PLA2G4C: variants seen among roughly 807,000 people sequenced by gnomAD.
PLA2G4C encodes phospholipase A2 group IVC, also known as cytosolic phospholipase A2 gamma.
In PLA2G4C, 64 loss-of-function variants were observed where a neutral mutation model predicts 73.8. The observed-to-expected ratio is 0.87, with a 90% CI of 0.71 to 1.07. The LOEUF is 1.07. PLA2G4C is among the 50% of genes least tolerant of loss of function. PLA2G4C has a pLI of 0.00. For synonymous variants in PLA2G4C, 254 were observed against 252.1 expected, an observed-to-expected ratio of 1.01 and a Z score of -0.07; for missense variants, 622 against 665.4, an observed-to-expected ratio of 0.93 and a Z score of 0.72.
chr19:48,068,507 A>G (rs1968534425), intron 12 of PLA2G4C, among the ~76,000 whole-genome samples: 2 of 151,674 alleles, frequency 1.3e-5, no homozygotes, highest in Admixed American at 1.3e-4. Context: ...AGAGAGCGAG[A>G]CCACATCTTT....
intron 10 of PLA2G4C, among the ~76,000 whole-genome samples, chr19:48,080,433 G>T (rs562829967): frequency 2.4e-4 from 36 of 152,276 alleles, no homozygotes; most frequent in African/African-American, 7.9e-4. Context: ...AGTCCTCAGA[G>T]AACTAAAAGT....
chr19:48,048,530 G>A lies in PLA2G4C; in HGVS notation c.1581-142C>T, dbSNP rs1600135458. On this transcript the variant is annotated intron_variant, in intron 16 of 16. Coordinates refer to ENST00000599921, the MANE Select transcript of PLA2G4C (RefSeq NM_003706.3). ...ATTCATCCATTCTTTCATTCATTGAGAAGACCTGGAGCTCCACCACCTCCT... is the reference window on the plus strand; with the variant it reads ...ATTCATCCATTCTTTCATTCATTGAAAAGACCTGGAGCTCCACCACCTCCT... The A allele has an allele frequency of 7.3e-6, 4 of 546,700 alleles. No individual in the cohort carries two copies. The East Asian group carries it at 1.4e-4, about 19-fold the overall frequency. 33.9% of individuals were successfully genotyped at this position (546,700 alleles called of 1,614,324 possible).
intron 9 of PLA2G4C, among the ~76,000 whole-genome samples, chr19:48,085,569 A>T (rs1016929662): frequency 6.6e-6 from 1 of 152,192 alleles, no homozygotes; most frequent in African/African-American, 2.4e-5. Flanking sequence ...GTTGGATTAG[A>T]GGCATTGCTG....
chr19:48,099,932 C>T (rs149641514), intron 4 of PLA2G4C, 72 bp from the exon 5 acceptor site: 125 of 1,036,758 alleles, frequency 1.2e-4, no homozygotes, highest in Middle Eastern at 3.0e-4. Context: ...AAGATGTGTG[C>T]AAGGAGGTCC....
chr19:48,049,762 G>A (rs931744456), intron 16 of PLA2G4C, among the ~76,000 whole-genome samples: 7 of 152,142 alleles, frequency 4.6e-5, no homozygotes, highest in Non-Finnish European at 1.0e-4. Flanking sequence ...GTGGGGAGTG[G>A]ACAGGCACAG....
At position 48,106,133 on chromosome 19, in the gene PLA2G4C, A is replaced by G. The variant is rs185134362; in HGVS notation, c.8+389T>C. ...GGGTCTTGCTCTGTTGCCCACCACC[A>G]GTGCGGTGGTGCAATCATAGCTTAC... On this transcript the variant is annotated intron_variant, in intron 2 of 16. Coordinates refer to ENST00000599921, the MANE Select transcript of PLA2G4C (RefSeq NM_003706.3). Among the ~76,000 whole-genome samples the G allele has an allele frequency of 1.8e-3, 274 of 150,134 alleles. 1 individual carries two copies. The highest frequency in any genetic ancestry group is 6.3e-3 in the African/African-American group (255 of 40,788).
intron 10 of PLA2G4C, among the ~76,000 whole-genome samples, chr19:48,079,597 C>CA (rs1444802197): frequency 2.6e-5 from 4 of 151,976 alleles, no homozygotes; most frequent in Non-Finnish European, 5.9e-5. Context: ...AAGATAACAT[C>CA]AAAAAAACTC....
rs191654002 is a variant in PLA2G4C, at chr19:48,079,469, A to G, written c.845-1645T>C. Among the ~76,000 whole-genome samples, 6 of 152,324 alleles carry G rather than the reference A, an allele frequency of 3.9e-5. No homozygotes were observed. The East Asian group carries it at 1.2e-3, about 29-fold the overall frequency. On this transcript the variant is annotated intron_variant, in intron 10 of 16. Coordinates refer to ENST00000599921, the MANE Select transcript of PLA2G4C (RefSeq NM_003706.3). ...GGTGCTGGGATAACTGGCAAGCCAC[A>G]TGTAGGAGAATGAAACTCGATCCTT...
At chr19:48,109,702 T>G (rs563178780) in intron 1 of PLA2G4C, among the ~76,000 whole-genome samples, 1 of 152,144 alleles carries the variant, frequency 6.6e-6, no homozygotes, top group East Asian at 1.9e-4. Flanking sequence ...TAGGCTGGAG[T>G]GCAGTGGCGC....
intron 14 of PLA2G4C, among the ~76,000 whole-genome samples, chr19:48,060,731 C>T (rs953213793): frequency 2.6e-5 from 4 of 152,074 alleles, no homozygotes; most frequent in Non-Finnish European, 4.4e-5. Flanking sequence ...AGCAGAAATC[C>T]TAAGACCAGA....
At chr19:48,062,940 C>T (rs8108662) in intron 13 of PLA2G4C, among the ~76,000 whole-genome samples, 129,684 of 152,142 alleles carry the variant, frequency 0.85, 55,466 homozygotes, top group African/African-American at 0.93. Context: ...TAGGAAGACC[C>T]GAGATGTCAA....
chr19:48,081,794 A>T (rs1299335597), intron 10 of PLA2G4C, among the ~76,000 whole-genome samples: 1 of 136,198 alleles, frequency 7.3e-6, no homozygotes, highest in Non-Finnish European at 1.7e-5. Flanking sequence ...AACACTACAC[A>T]TTGGGGCCAG....
rs563971619 is a variant in PLA2G4C, at chr19:48,060,994, T to C, written c.1257+1004A>G. On this transcript the variant is annotated intron_variant, in intron 14 of 16. Transcript: ENST00000599921. ...GATATAGTTATATATTATGTAGGTG[T>C]ATATATTTTTTAATAAAATAGCTGG... Among the ~76,000 whole-genome samples, 7 of 152,286 alleles carry C rather than the reference T, an allele frequency of 4.6e-5. No homozygotes were observed. The South Asian group carries it at 1.4e-3, about 32-fold the overall frequency.
intron 13 of PLA2G4C, among the ~76,000 whole-genome samples, chr19:48,062,699 T>C (rs1043525426): frequency 3.3e-5 from 5 of 152,158 alleles, no homozygotes; most frequent in Non-Finnish European, 5.9e-5. Flanking sequence ...ACAGGGTCTT[T>C]AAAGAGGTAA....
At chr19:48,049,867 C>T (rs1403545774) in intron 16 of PLA2G4C, among the ~76,000 whole-genome samples, 1 of 152,156 alleles carries the variant, frequency 6.6e-6, no homozygotes, top group East Asian at 1.9e-4. Flanking sequence ...TGATCTTGGA[C>T]TTCCAGCCTC....
Position 48,091,047 on chromosome 19 carries a change from G to A in PLA2G4C, c.710-630C>T, listed in dbSNP as rs988327715. Among the ~76,000 whole-genome samples, 111 of 151,608 alleles carry A rather than the reference G, an allele frequency of 7.3e-4. 1 individual carries two copies. The highest frequency in any genetic ancestry group is 2.3e-3 in the African/African-American group (96 of 41,384). On this transcript the variant is annotated intron_variant, in intron 7 of 16. Coordinates refer to ENST00000599921, the MANE Select transcript of PLA2G4C (RefSeq NM_003706.3). ...AGTTGCAGCTTCATTGGATGCAGCCGCCATCCCGTGGTGTGGAGGAGTTCA... is the reference window on the plus strand; with the variant it reads ...AGTTGCAGCTTCATTGGATGCAGCCACCATCCCGTGGTGTGGAGGAGTTCA...
At chr19:48,088,447 G>A (rs2031107446) in intron 9 of PLA2G4C, among the ~76,000 whole-genome samples, 3 of 151,916 alleles carry the variant, frequency 2.0e-5, no homozygotes, top group African/African-American at 7.2e-5. Flanking sequence ...AAATGAGAAG[G>A]AATCAGAAAA....
At chr19:48,078,871 CTT>C (rs33976382) in intron 10 of PLA2G4C, among the ~76,000 whole-genome samples, 7 of 137,936 alleles carry the variant, frequency 5.1e-5, no homozygotes, top group Admixed American at 3.0e-4. Context: ...TCCTAAAATC[CTT>C]TTTTTTTTTT....
At chr19:48,068,326 G>T (rs1183603647) in intron 12 of PLA2G4C, among the ~76,000 whole-genome samples, 1 of 127,592 alleles carries the variant, frequency 7.8e-6, no homozygotes, top group African/African-American at 3.4e-5. Flanking sequence ...AAAAAAAAAA[G>T]TGGGGGGGTC....
Sources: gnomAD v4.1 joint callset for allele counts (sites outside exome capture counted in the v4.1 genomes callset) on GRCh38, gnomAD v4.1.1 for gene constraint, MANE v1.5 for transcripts, NCBI Gene and HGNC (gene_info 2026-07-23, HGNC 2026-07-21) for gene names.